IQGAP2: variants seen among roughly 807,000 people sequenced by gnomAD.
The protein encoded by IQGAP2 is IQ motif containing GTPase activating protein 2, also known as ras GTPase-activating-like protein IQGAP2.
In IQGAP2, 173 loss-of-function variants were observed where a neutral mutation model predicts 201.3. The ratio of observed to expected loss-of-function variants is 0.86; its 90% CI spans 0.76 to 0.98. The LOEUF is 0.98. Ranked by LOEUF, IQGAP2 falls within the 50% of genes least tolerant of loss-of-function variation. IQGAP2 has a pLI of 0.00. For missense variants in IQGAP2, 1,687 were observed against 1,864.8 expected, an observed-to-expected ratio of 0.90 and a Z score of 1.76; for synonymous variants, 675 against 673.9, an observed-to-expected ratio of 1.00 and a Z score of -0.03.
At chr5:76,531,254 C>T (rs1759272201) in intron 2 of IQGAP2, among the ~76,000 whole-genome samples, 1 of 151,972 alleles carries the variant, frequency 6.6e-6, no homozygotes, top group East Asian at 1.9e-4. Flanking sequence ...GCAAGCTTGC[C>T]TTTTTAATTT....
At chr5:76,576,182 T>C (rs1745460546) in intron 5 of IQGAP2, among the ~76,000 whole-genome samples, 1 of 147,378 alleles carries the variant, frequency 6.8e-6, no homozygotes, top group Non-Finnish European at 1.5e-5. Context: ...AATTATAATT[T>C]AGTTCAATTC....
At chr5:76,416,022 T>C (rs985155857) in intron 1 of IQGAP2, among the ~76,000 whole-genome samples, 1 of 151,294 alleles carries the variant, frequency 6.6e-6, no homozygotes, top group Admixed American at 6.6e-5. Flanking sequence ...CTAGTGTCCA[T>C]GGGGGAAATA....
chr5:76,613,831 A>T (rs1223295446), intron 13 of IQGAP2, among the ~76,000 whole-genome samples: 2 of 152,050 alleles, frequency 1.3e-5, no homozygotes, highest in Non-Finnish European at 2.9e-5. Flanking sequence ...AGTAGCAGGG[A>T]CTACAGGCAC....
At position 76,683,147 on chromosome 5, in the gene IQGAP2, T is replaced by A; in HGVS notation, c.3693T>A (p.Pro1231=). 6.2e-7 allele frequency: 1 copy of A among 1,611,052 alleles called. No homozygotes were observed. The highest frequency in any genetic ancestry group is 8.5e-7 in the Non-Finnish European group (1 of 1,178,132). The part of the protein sequence containing the change: ...LLLEHQDAIA[P]EKNDLLSELL... The stretch of plus-strand genomic sequence containing the variant: ...TGGAACACCAGGATGCAATTGCCCC[T>A]GAGAAAAATGACTTACTGAGTGAAT... The change falls in exon 29 of 36, where the codon CCT becomes CCA. Residue 1231 remains proline, a synonymous_variant. Transcript: ENST00000274364.
At chr5:76,676,547 A>G (rs1744839466) in intron 27 of IQGAP2, among the ~76,000 whole-genome samples, 1 of 152,258 alleles carries the variant, frequency 6.6e-6, no homozygotes, top group Non-Finnish European at 1.5e-5. Context: ...CAAAAAATAC[A>G]TAGAACTATT....
intron 13 of IQGAP2, chr5:76,616,068 T>G (rs1439142952): frequency 6.6e-6 from 1 of 152,604 alleles, no homozygotes. Context: ...ACCCAGAAGC[T>G]CAAGGAAGGC....
chr5:76,618,084 G>C (rs1250177973), intron 13 of IQGAP2: 4 of 1,614,058 alleles, frequency 2.5e-6, no homozygotes, highest in Non-Finnish European at 2.5e-6. Flanking sequence ...CAAGGCATAG[G>C]TGTGCTTGGG....
chr5:76,421,611 T>A (rs901627729), intron 1 of IQGAP2, among the ~76,000 whole-genome samples: 5 of 151,292 alleles, frequency 3.3e-5, no homozygotes, highest in African/African-American at 1.2e-4. Context: ...AGTGAGACCC[T>A]GTCTCATAAA....
chr5:76,690,085 GT>G (rs1746134285), intron 30 of IQGAP2, among the ~76,000 whole-genome samples: 1 of 152,152 alleles, frequency 6.6e-6, no homozygotes, highest in African/African-American at 2.4e-5. Context: ...AAGACCCGTG[GT>G]TTGGATCAAC....
chr5:76,586,272 T>A (rs577343986), intron 5 of IQGAP2, among the ~76,000 whole-genome samples: 5 of 152,178 alleles, frequency 3.3e-5, no homozygotes, highest in African/African-American at 1.2e-4. Flanking sequence ...AAGTCTAATA[T>A]AAAACTTTTT....
chr5:76,538,832 G>A (rs187522536), intron 2 of IQGAP2, among the ~76,000 whole-genome samples: 43 of 152,272 alleles, frequency 2.8e-4, no homozygotes, highest in Non-Finnish European at 4.4e-4. Flanking sequence ...GGGATGCTGG[G>A]GTGGAGAGGA....
intron 13 of IQGAP2, among the ~76,000 whole-genome samples, chr5:76,614,422 CAGATTTAAAA>C (rs1261738878): frequency 6.6e-6 from 1 of 152,258 alleles, no homozygotes; most frequent in South Asian, 2.1e-4. Context: ...CAGATTTAAA[CAGATTTAAAA>C]TACTGCAGGT....
At chr5:76,518,975 T>C (rs952953324) in intron 2 of IQGAP2, among the ~76,000 whole-genome samples, 1 of 152,220 alleles carries the variant, frequency 6.6e-6, no homozygotes, top group Non-Finnish European at 1.5e-5. Flanking sequence ...AAATAAGATC[T>C]GCTCCCATAC....
chr5:76,656,637 G>GT (rs920936416), intron 20 of IQGAP2, among the ~76,000 whole-genome samples: 122 of 150,336 alleles, frequency 8.1e-4, no homozygotes, highest in African/African-American at 2.0e-3. Flanking sequence ...CAGGTAAAGT[G>GT]TTTTTTTTTA....
intron 2 of IQGAP2, among the ~76,000 whole-genome samples, chr5:76,508,514 A>G (rs1347395261): frequency 6.6e-6 from 1 of 151,932 alleles, no homozygotes; most frequent in Non-Finnish European, 1.5e-5. Flanking sequence ...GGCTTCCAGA[A>G]CCCCTCTGAA....
rs1043969837 is a variant in IQGAP2, at chr5:76,562,688, G to A, written c.303+136G>A. The A allele has an allele frequency of 1.3e-5, 9 of 714,016 alleles. No individual in the cohort carries two copies. The African/African-American group carries it at 1.3e-4, about 10-fold the overall frequency. 44.2% of individuals were successfully genotyped at this position (714,016 alleles called of 1,614,324 possible). ...GGGATGTCTTTGGAGCCTGTTAATA[G>A]CATTCCTGAGGCAGCAGCAGTTTTA... On this transcript the variant is annotated intron_variant, in intron 3 of 35. Transcript: ENST00000274364.
intron 2 of IQGAP2, among the ~76,000 whole-genome samples, chr5:76,530,465 T>G (rs1243672386): frequency 6.6e-6 from 1 of 152,254 alleles, no homozygotes; most frequent in African/African-American, 2.4e-5. Flanking sequence ...CAGGAATTTT[T>G]TCCTAATTTC....
intron 9 of IQGAP2, 137 bp from the exon 10 acceptor site, chr5:76,597,302 C>T: frequency 1.3e-6 from 1 of 766,690 alleles, no homozygotes. Context: ...AAAGCCTTAC[C>T]TACCCTCTGC....
chr5:76,525,820 A>G (rs932048054), intron 2 of IQGAP2, among the ~76,000 whole-genome samples: 15 of 152,244 alleles, frequency 9.9e-5, no homozygotes, highest in African/African-American at 3.6e-4. Context: ...TGTGGGACCT[A>G]ATGACTTCTA....
Sources: allele counts gnomAD v4.1 joint callset (sites outside exome capture counted in the v4.1 genomes callset), GRCh38; gene constraint gnomAD v4.1.1; transcripts MANE v1.5; gene names NCBI Gene and HGNC (gene_info 2026-07-23, HGNC 2026-07-21).